ZNF462: variants seen among roughly 807,000 people sequenced by gnomAD.
ZNF462 encodes the protein zinc finger protein 462.
ZNF462 carries 10 observed loss-of-function variants against 201.9 expected under a neutral mutation model. The observed-to-expected ratio is 0.05, with a 90% CI of 0.03 to 0.08. ZNF462 has a LOEUF of 0.08. ZNF462 is among the 10% of genes least tolerant of loss of function. The pLI, the probability that ZNF462 is intolerant of heterozygous loss-of-function variation, is 1.00. For missense variants in ZNF462, 2,523 were observed against 3,168.3 expected, an observed-to-expected ratio of 0.80 and a Z score of 4.89; for synonymous variants, 1,227 against 1,193.3, an observed-to-expected ratio of 1.03 and a Z score of -0.58.
intron 1 of ZNF462, among the ~76,000 whole-genome samples, chr9:106,888,551 T>C (rs1828431834): frequency 6.6e-6 from 1 of 151,746 alleles, no homozygotes. Context: ...GTTGCATCCA[T>C]TTGCCCATCT....
rs759410228 is a variant in ZNF462 at position 106,928,522 on chromosome 9, G to A, written c.4610G>A (p.Arg1537Gln). The A allele has an allele frequency of 2.5e-6, 4 of 1,613,892 alleles. No homozygotes were observed. Among genetic ancestry groups the A allele is most frequent in the African/African-American group, 1.3e-5 (1 of 74,852 alleles). The part of the protein sequence containing the change: ...IHGVLTHYQK[R>Q]HPSIKVTAED... ...GGCGTACTGACCCACTACCAGAAGC[G>A]ACACCCGTCCATCAAGGTGACCGCT... is the stretch of plus-strand genomic sequence containing the variant. The change falls in exon 3 of 13, where the codon CGA becomes CAA. Residue 1537 changes from arginine to glutamine, a missense_variant. Transcript: ENST00000277225. The surrounding 1 kb of genome is among the most constrained non-coding windows in gnomAD (Gnocchi z 9.3).
intron 10 of ZNF462, among the ~76,000 whole-genome samples, chr9:106,987,086 T>C (rs912865896): frequency 6.6e-6 from 1 of 152,158 alleles, no homozygotes; most frequent in African/African-American, 2.4e-5. Context: ...TTTGGGTTGG[T>C]TCCATGATTT....
rs191547498 is a variant in ZNF462, at chr9:106,905,216, G to A, written c.-30-18138G>A. On this transcript the variant is annotated intron_variant, in intron 1 of 12. Coordinates refer to ENST00000277225, the MANE Select transcript of ZNF462 (RefSeq NM_021224.6). This position sits in a 1 kb window ranked among gnomAD's most constrained non-coding sequence, Gnocchi z 5.9. ...TCTCTTCTGGGTCTAGCTACCCAGC[G>A]AGTCCACCCAGCAACAGGCTGGTTG... is the stretch of plus-strand genomic sequence containing the variant. Among the ~76,000 whole-genome samples, 156 of 152,250 alleles carry A rather than the reference G, an allele frequency of 1.0e-3. No individual in the cohort carries two copies. Among genetic ancestry groups the A allele is most frequent in the Admixed American group, 2.4e-3 (37 of 15,308 alleles).
intron 7 of ZNF462, among the ~76,000 whole-genome samples, chr9:106,940,706 C>T (rs1253428334): frequency 4.6e-5 from 7 of 151,934 alleles, no homozygotes; most frequent in Non-Finnish European, 7.4e-5. Flanking sequence ...ACACAATCTC[C>T]TTAGCTACTG....
intron 1 of ZNF462, among the ~76,000 whole-genome samples, chr9:106,864,616 T>G (rs956208914): frequency 2.6e-5 from 4 of 152,158 alleles, no homozygotes; most frequent in African/African-American, 9.7e-5. Context: ...TTTCTTTTCA[T>G]TGTGGCTTCT....
At chr9:106,931,902 C>T (rs933797197) in intron 4 of ZNF462, among the ~76,000 whole-genome samples, 5 of 152,196 alleles carry the variant, frequency 3.3e-5, no homozygotes, top group Admixed American at 3.3e-4. Context: ...CCTCTCCTTT[C>T]TGTGAGCCAC....
rs1831491295 is a variant in ZNF462, at chr9:106,954,527, A to C, written c.6427+15420A>C. 2.0e-5 allele frequency among the ~76,000 whole-genome samples: 3 copies of C among 151,628 alleles called. No individual in the cohort carries two copies. Among genetic ancestry groups the C allele is most frequent in the East Asian group, 1.9e-4 (1 of 5,160 alleles). On this transcript the variant is annotated intron_variant, in intron 7 of 12. Coordinates refer to ENST00000277225, the MANE Select transcript of ZNF462 (RefSeq NM_021224.6). The surrounding 1 kb of genome is among the most constrained non-coding windows in gnomAD (Gnocchi z 4.0). ...GTTTAAAAGAGGAAAAAAAAAAAAA[A>C]CTCAGTCAATATTCTCCATGTTTAT...
chr9:106,930,539 A>G lies in ZNF462; in HGVS notation c.5862A>G (p.Leu1954=), dbSNP rs139184113. ...TATTTTACCAGCCTTTTGGTCACTT[A>G]GAAGAGGTGCCAAAGATCAAGGAGA... ...DFKQERPFGH[L]EEVPKIKERK... is the part of the protein sequence containing the mutation. The change falls in exon 4 of 13, where the codon TTA becomes TTG. Residue 1954 remains leucine (L), a synonymous_variant. Coordinates refer to ENST00000277225, the MANE Select transcript of ZNF462 (RefSeq NM_021224.6). The surrounding 1 kb of genome is among the most constrained non-coding windows in gnomAD (Gnocchi z 5.8). 2.8e-3 allele frequency: 4,571 copies of G among 1,614,132 alleles called. 11 individuals carry two copies. Among genetic ancestry groups the G allele is most frequent in the Non-Finnish European group, 3.7e-3 (4,385 of 1,180,008 alleles).
At chr9:106,869,264 A>G (rs1405238689) in intron 1 of ZNF462, among the ~76,000 whole-genome samples, 2 of 152,202 alleles carry the variant, frequency 1.3e-5, no homozygotes, top group African/African-American at 4.8e-5. Context: ...TGGTTTTCCA[A>G]TGTTCTTACT....
chr9:106,964,984 A>T (rs558497762), intron 7 of ZNF462, among the ~76,000 whole-genome samples: 10 of 152,220 alleles, frequency 6.6e-5, no homozygotes, highest in African/African-American at 2.4e-4. Flanking sequence ...AGAGACATTG[A>T]TCTAGCCAAG....
Position 106,872,950 on chromosome 9 carries a change from A to G in ZNF462, c.-31+9595A>G, listed in dbSNP as rs1457242312. Among the ~76,000 whole-genome samples, 1 of 152,124 alleles carries G rather than the reference A, an allele frequency of 6.6e-6. No homozygotes were observed. Among genetic ancestry groups the G allele is most frequent in the East Asian group, 1.9e-4 (1 of 5,190 alleles). ...CAGGGACTGTTCATACGGTAGAGGA[A>G]ACTGAGGTTTAGGGAGGTAAAGTAA... On this transcript the variant is annotated intron_variant, in intron 1 of 12. Transcript: ENST00000277225. The surrounding 1 kb of genome is among the most constrained non-coding windows in gnomAD (Gnocchi z 4.5).
chr9:106,865,489 A>T lies in ZNF462; in HGVS notation c.-31+2134A>T, dbSNP rs1046398693. Among the ~76,000 whole-genome samples the T allele has an allele frequency of 3.3e-5, 5 of 152,280 alleles. 1 individual carries two copies. In the South Asian group the frequency reaches 8.3e-4, roughly 25 times the overall value. On this transcript the variant is annotated intron_variant, in intron 1 of 12. Coordinates refer to ENST00000277225, the MANE Select transcript of ZNF462 (RefSeq NM_021224.6). This position sits in a 1 kb window ranked among gnomAD's most constrained non-coding sequence, Gnocchi z 4.1. ...TTCTGCAAATATAAAAAATAATAAG[A>T]ATAATCCTGCAAGATCTCAGAGGAA...
chr9:106,864,165 A>T (rs1827220233), intron 1 of ZNF462, among the ~76,000 whole-genome samples: 1 of 140,118 alleles, frequency 7.1e-6, no homozygotes, highest in South Asian at 2.4e-4. Flanking sequence ...TGGCTGCTGC[A>T]GCTGCTGGTG....
chr9:106,928,528 C>G lies in ZNF462; in HGVS notation c.4616C>G (p.Pro1539Arg). ...CTGACCCACTACCAGAAGCGACACC[C>G]GTCCATCAAGGTGACCGCTGAGGAC... ...GVLTHYQKRH[P>R]SIKVTAEDFV... is the part of the protein sequence containing the mutation. Residue 1539 changes from proline to arginine, a missense_variant, in exon 3 of 13, where the codon CCG becomes CGG. Transcript: ENST00000277225. The surrounding 1 kb of genome is among the most constrained non-coding windows in gnomAD (Gnocchi z 9.3). The G allele has an allele frequency of 6.2e-7, 1 of 1,613,902 alleles. No individual in the cohort carries two copies. The highest frequency in any genetic ancestry group is 8.5e-7 in the Non-Finnish European group (1 of 1,179,968).
rs1178136641 is a variant in ZNF462, at chr9:106,928,655, G to C, written c.4743G>C (p.Leu1581=). 7 of 1,614,184 alleles carry C rather than the reference G, an allele frequency of 4.3e-6. No homozygotes were observed. In the South Asian group the frequency reaches 6.6e-5, roughly 15 times the overall value. The change falls in exon 3 of 13, where the codon CTG becomes CTC. Residue 1581 remains leucine (L), a synonymous_variant. Transcript: ENST00000277225. This position sits in a 1 kb window ranked among gnomAD's most constrained non-coding sequence, Gnocchi z 9.3. ...GGTATGGCGCCTACCGGTGCAAACT[G>C]TGTCCGTACACACACGGCACTTTGG... is the stretch of plus-strand genomic sequence containing the variant. ...KQGYGAYRCK[L]CPYTHGTLEK... is the part of the protein sequence containing the mutation.
intron 1 of ZNF462, among the ~76,000 whole-genome samples, chr9:106,914,828 T>C (rs1407984655): frequency 6.6e-6 from 1 of 152,054 alleles, no homozygotes; most frequent in African/African-American, 2.4e-5. Context: ...ATTTTGTAGA[T>C]TTTGTAAGGG....
intron 1 of ZNF462, among the ~76,000 whole-genome samples, chr9:106,878,327 T>A (rs1239062702): frequency 6.6e-6 from 1 of 152,322 alleles, no homozygotes; most frequent in South Asian, 2.1e-4. Context: ...AATGATCAAT[T>A]AGGGGCCACC....
At chr9:106,866,204 C>A (rs1013877657) in intron 1 of ZNF462, among the ~76,000 whole-genome samples, 1 of 152,236 alleles carries the variant, frequency 6.6e-6, no homozygotes, top group African/African-American at 2.4e-5. Flanking sequence ...GAGCAACTTA[C>A]AACAGCATTT....
At chr9:106,904,071 T>C (rs1158864895) in intron 1 of ZNF462, among the ~76,000 whole-genome samples, 1 of 152,192 alleles carries the variant, frequency 6.6e-6, no homozygotes, top group Non-Finnish European at 1.5e-5. Flanking sequence ...TTGATGTGTT[T>C]CCAGGGTTTA....
Sources: gnomAD v4.1 joint callset for allele counts (sites outside exome capture counted in the v4.1 genomes callset) on GRCh38, gnomAD v4.1.1 for gene constraint, Gnocchi (gnomAD v3.1) non-coding constraint, MANE v1.5 for transcripts, NCBI Gene and HGNC (gene_info 2026-07-23, HGNC 2026-07-21) for gene names.